PTPRT: variants seen among roughly 807,000 people sequenced by gnomAD.
PTPRT encodes protein tyrosine phosphatase receptor type T.
In PTPRT, 56 loss-of-function variants were observed where a neutral mutation model predicts 176.8. That is an observed-to-expected ratio of 0.32 (90% CI 0.26 to 0.40). The LOEUF is 0.40. Ranked by LOEUF, PTPRT falls within the 10% of genes least tolerant of loss-of-function variation. The probability of loss-of-function intolerance (pLI) is 1.00; values close to 1 mark genes in which losing one functional copy is unlikely to be tolerated. For synonymous variants in PTPRT, 783 were observed against 739.0 expected, an observed-to-expected ratio of 1.06 and a Z score of -0.96; for missense variants, 1,540 against 1,908.2, an observed-to-expected ratio of 0.81 and a Z score of 3.60.
At chr20:42,188,108 T>C (rs1161442113) in intron 16 of PTPRT, among the ~76,000 whole-genome samples, 1 of 152,182 alleles carries the variant, frequency 6.6e-6, no homozygotes, top group African/African-American at 2.4e-5. Flanking sequence ...CTCAAATCGA[T>C]TGGCCTAGAT....
At chr20:42,994,183 A>G (rs1185907896) in intron 1 of PTPRT, among the ~76,000 whole-genome samples, 1 of 152,184 alleles carries the variant, frequency 6.6e-6, no homozygotes, top group African/African-American at 2.4e-5. Context: ...CTTCTCTTGC[A>G]GTTCTATCGA....
intron 9 of PTPRT, among the ~76,000 whole-genome samples, chr20:42,377,078 G>A (rs148140408): frequency 2.0e-5 from 3 of 152,246 alleles, no homozygotes; most frequent in African/African-American, 4.8e-5. Context: ...AATTACCTCC[G>A]TCCTTTGATA....
chr20:42,698,848 C>A (rs1173201034), intron 6 of PTPRT, among the ~76,000 whole-genome samples: 4 of 146,340 alleles, frequency 2.7e-5, no homozygotes, highest in Non-Finnish European at 5.9e-5. Flanking sequence ...ACAATGAATG[C>A]ATACATGAAT....
intron 7 of PTPRT, among the ~76,000 whole-genome samples, chr20:42,551,943 C>T (rs1471071835): frequency 1.3e-5 from 2 of 152,154 alleles, no homozygotes; most frequent in South Asian, 2.1e-4. Flanking sequence ...TGATCTCAAA[C>T]TTTCATTACC....
chr20:42,412,597 T>A (rs963774021), intron 9 of PTPRT, among the ~76,000 whole-genome samples: 8 of 152,222 alleles, frequency 5.3e-5, no homozygotes, highest in African/African-American at 1.9e-4. Context: ...CAAAGACTTG[T>A]ACACAAATAT....
intron 2 of PTPRT, among the ~76,000 whole-genome samples, chr20:42,883,301 C>T (rs1436759774): frequency 2.0e-5 from 3 of 152,134 alleles, no homozygotes; most frequent in Non-Finnish European, 4.4e-5. Context: ...TTCACCAGGG[C>T]AGTGGTGGCA....
intron 1 of PTPRT, among the ~76,000 whole-genome samples, chr20:43,039,390 T>C (rs1885745442): frequency 1.3e-5 from 2 of 151,268 alleles, no homozygotes; most frequent in Admixed American, 6.6e-5. Context: ...ATCTCACTCC[T>C]TACACCAAAA....
intron 1 of PTPRT, among the ~76,000 whole-genome samples, chr20:42,935,147 ATTTTTTTTTTTT>A (rs57178522): frequency 3.5e-3 from 146 of 42,178 alleles, no homozygotes; most frequent in African/African-American, 0.013. Flanking sequence ...TTTTGCCATA[ATTTTTTTTTTTT>A]TTTTTTTTTT....
At chr20:42,427,923 C>A (rs55953368) in intron 9 of PTPRT, among the ~76,000 whole-genome samples, 17,079 of 152,122 alleles carry the variant, frequency 0.11, 923 homozygotes, top group African/African-American at 0.13. Context: ...CACGAGAGAA[C>A]AACCCCCTTT....
rs1986900427 is a variant in PTPRT, at chr20:42,110,375, A to G, written c.3212T>C (p.Phe1071Ser). The change falls in exon 23 of 31, where the codon TTC becomes TCC. Residue 1071 changes from phenylalanine (F) to serine (S), a missense_variant. Phe to Ser is a radical substitution (Grantham distance 155). This residue lies in a region of PTPRT where 248 missense variants were observed against 356.7 expected (regional missense o/e 0.70). Transcript: ENST00000373187. ...GLLGFVRQVK[F>S]LNPPEAGPIV... is the part of the protein sequence containing the mutation. ...GGGCCCAGCTTCCGGGGGGTTGAGG[A>G]ACTTGACCTGGCGGACGAAGCCCAG... 1 of 1,612,792 alleles carries G rather than the reference A, an allele frequency of 6.2e-7. No homozygotes were observed. Among genetic ancestry groups the G allele is most frequent in the Non-Finnish European group, 8.5e-7 (1 of 1,179,082 alleles).
intron 19 of PTPRT, among the ~76,000 whole-genome samples, chr20:42,121,932 C>T (rs1013304433): frequency 2.0e-5 from 3 of 152,076 alleles, no homozygotes; most frequent in East Asian, 1.9e-4. Context: ...AGTCAAATAC[C>T]GCATGTTTTC....
At chr20:42,366,118 C>A (rs1415487909) in intron 9 of PTPRT, among the ~76,000 whole-genome samples, 1 of 152,226 alleles carries the variant, frequency 6.6e-6, no homozygotes, top group African/African-American at 2.4e-5. Flanking sequence ...CAGCCCAGGG[C>A]AGCAGGGCCT....
chr20:42,292,073 A>G (rs1450460168), intron 12 of PTPRT, among the ~76,000 whole-genome samples: 4 of 152,042 alleles, frequency 2.6e-5, no homozygotes, highest in African/African-American at 9.7e-5. Flanking sequence ...ACCTTTGGAA[A>G]GCATATTTTT....
chr20:42,101,048 A>G (rs1204201865), intron 26 of PTPRT, among the ~76,000 whole-genome samples: 4 of 152,230 alleles, frequency 2.6e-5, no homozygotes, highest in Non-Finnish European at 5.9e-5. Flanking sequence ...AGGAGAAAGC[A>G]TCCCATGTTT....
intron 29 of PTPRT, 145 bp from the exon 30 acceptor site, chr20:42,082,162 G>A: frequency 8.1e-7 from 1 of 1,236,818 alleles, no homozygotes; most frequent in Non-Finnish European, 1.1e-6. Context: ...CCTGAGCCAT[G>A]AGTTATGGTT....
chr20:42,289,188 G>A (rs566962730), intron 12 of PTPRT, among the ~76,000 whole-genome samples: 32 of 152,090 alleles, frequency 2.1e-4, no homozygotes, highest in African/African-American at 7.0e-4. Flanking sequence ...GAAAACCTAC[G>A]AAATACTCTC....
chr20:42,371,907 T>C (rs1211834374), intron 9 of PTPRT, among the ~76,000 whole-genome samples: 1 of 152,156 alleles, frequency 6.6e-6, no homozygotes, highest in Non-Finnish European at 1.5e-5. Context: ...AGAGGGATCA[T>C]ATGGCAGGTG....
chr20:42,447,287 G>A (rs972806638), intron 9 of PTPRT, among the ~76,000 whole-genome samples: 1 of 152,094 alleles, frequency 6.6e-6, no homozygotes, highest in Non-Finnish European at 1.5e-5. Flanking sequence ...AAACCCTGAA[G>A]AAGTGATTAC....
chr20:42,737,090 C>T (rs182296185), intron 6 of PTPRT, among the ~76,000 whole-genome samples: 98 of 152,284 alleles, frequency 6.4e-4, no homozygotes, highest in Non-Finnish European at 9.1e-4. Context: ...CAACACCTAG[C>T]CCCTGGTACC....
Sources: allele counts gnomAD v4.1 joint callset (sites outside exome capture counted in the v4.1 genomes callset), GRCh38; gene constraint gnomAD v4.1.1; regional missense constraint gnomAD v4.1.1; transcripts MANE v1.5; gene names NCBI Gene and HGNC (gene_info 2026-07-23, HGNC 2026-07-21).